CEACAM21: variants seen among roughly 807,000 people sequenced by gnomAD.
The protein encoded by CEACAM21 is cell adhesion molecule CEACAM21.
Under a neutral mutation model 33.2 loss-of-function variants are expected in CEACAM21, and 38 were observed. The observed-to-expected ratio is 1.14, with a 90% CI of 0.88 to 1.50. The LOEUF (loss-of-function observed/expected upper bound fraction) is 1.50. Among genes scored for constraint, CEACAM21 ranks in the 40% most tolerant of loss-of-function variants. The pLI is 0.00. For synonymous variants in CEACAM21, 156 were observed against 143.0 expected (o/e 1.09, Z -0.65); for missense variants, 385 against 364.6 (o/e 1.06, Z -0.46).
In CEACAM21 at chr19:41,576,295, T is replaced by A. The variant is rs200169591; in HGVS notation, c.21T>A (p.Cys7Ter). Residue 7 changes from cysteine to a stop codon, truncating the protein, a stop_gained, in exon 1 of 7, where the codon TGT becomes TGA. Transcript: ENST00000401445. LOFTEE classifies it high-confidence loss of function. MGPPSA[C>*]PHRECIPWQG... ...AGACCATGGGGCCCCCCTCAGCTTGTCCCCACAGAGAATGCATCCCCTGGC... is the reference window on the plus strand; with the variant it reads ...AGACCATGGGGCCCCCCTCAGCTTGACCCCACAGAGAATGCATCCCCTGGC... 2 of 1,613,334 alleles carry A rather than the reference T, an allele frequency of 1.2e-6. No homozygotes were observed. The highest frequency in any genetic ancestry group is 2.2e-5 in the East Asian group (1 of 44,842).
intron 1 of CEACAM21, chr19:41,549,664 TGTG>T (rs2041107595): frequency 6.6e-6 from 1 of 152,172 alleles, no homozygotes; most frequent in African/African-American, 2.4e-5. Context: ...GGTTTTTTGA[TGTG>T]GTGTTTTTTT....
intron 1 of CEACAM21, among the ~76,000 whole-genome samples, chr19:41,561,084 CAA>C (rs781994813): frequency 2.6e-5 from 4 of 152,128 alleles, no homozygotes; most frequent in Non-Finnish European, 4.4e-5. Flanking sequence ...TTGTTAGAAT[CAA>C]AAGATTGTTG....
chr19:41,567,822 G>A (rs1425902328), intron 2 of CEACAM21, among the ~76,000 whole-genome samples: 3 of 151,932 alleles, frequency 2.0e-5, no homozygotes, highest in Non-Finnish European at 2.9e-5. Flanking sequence ...GAAGATGGTG[G>A]GTCCCAGTTT....
At chr19:41,558,976 C>T (rs1289435691) in intron 1 of CEACAM21, among the ~76,000 whole-genome samples, 1 of 152,160 alleles carries the variant, frequency 6.6e-6, no homozygotes, top group Admixed American at 6.5e-5. Flanking sequence ...GCATCTCTGT[C>T]TTTAAAAAGC....
chr19:41,580,311 G>GGA (rs1568614422), intron 3 of CEACAM21, among the ~76,000 whole-genome samples: 1 of 129,268 alleles, frequency 7.7e-6, no homozygotes, highest in African/African-American at 3.3e-5. Context: ...CAAATGTGAT[G>GGA]GGGGGGGGTT....
intron 1 of CEACAM21, chr19:41,551,531 C>G (rs1465098180): frequency 1.3e-5 from 2 of 149,740 alleles, no homozygotes; most frequent in Non-Finnish European, 3.0e-5. Context: ...AGGGGAGGCT[C>G]TCAATATGGA....
At chr19:41,581,125 A>G (rs782038621) in intron 3 of CEACAM21, among the ~76,000 whole-genome samples, 9 of 152,264 alleles carry the variant, frequency 5.9e-5, no homozygotes, top group Admixed American at 2.6e-4. Context: ...CATGTTCATA[A>G]TGGCCCTAAT....
chr19:41,553,227 C>A (rs1312345484), intron 1 of CEACAM21, among the ~76,000 whole-genome samples: 1 of 151,942 alleles, frequency 6.6e-6, no homozygotes, highest in East Asian at 1.9e-4. Context: ...GCCTCAGCCC[C>A]TTGAGTAGCT....
intron 1 of CEACAM21, among the ~76,000 whole-genome samples, chr19:41,550,928 G>GA (rs1381829729): frequency 1.3e-5 from 2 of 151,778 alleles, no homozygotes; most frequent in Non-Finnish European, 2.9e-5. Context: ...TGAGCATCAT[G>GA]AAAAAAAATA....
intron 2 of CEACAM21, among the ~76,000 whole-genome samples, chr19:41,569,769 T>C (rs2042486044): frequency 6.6e-6 from 1 of 152,106 alleles, no homozygotes; most frequent in Non-Finnish European, 1.5e-5. Context: ...CCCAGGGGAA[T>C]CTATGATTCC....
At chr19:41,569,044 T>G (rs567642895) in intron 2 of CEACAM21, among the ~76,000 whole-genome samples, 1 of 152,328 alleles carries the variant, frequency 6.6e-6, no homozygotes, top group South Asian at 2.1e-4. Flanking sequence ...TTCTTTTGTT[T>G]CAGCTATCAT....
At position 41,577,491 on chromosome 19, in the gene CEACAM21, ACTACAAC is replaced by A. The variant is rs782607128; in HGVS notation, c.363_369del (p.Asn121LysfsTer42). On this transcript the variant is annotated frameshift_variant, in exon 2 of 7. Transcript: ENST00000401445. LOFTEE classifies it high-confidence loss of function. ...AACGTCACCCTAGAGGACACGGGAT[ACTACAAC>A]CTACAAGTCACATACAGAAATTCTC... 6.2e-7 allele frequency: 1 copy of A among 1,613,952 alleles called. No individual in the cohort carries two copies. The highest frequency in any genetic ancestry group is 8.5e-7 in the Non-Finnish European group (1 of 1,180,022).
chr19:41,571,282 A>G (rs553130129), upstream of CEACAM21, among the ~76,000 whole-genome samples: 1 of 152,328 alleles, frequency 6.6e-6, no homozygotes, highest in East Asian at 1.9e-4. Flanking sequence ...TATATCTTCA[A>G]TATCTGTCAA....
chr19:41,579,467 A>G lies in CEACAM21; in HGVS notation c.539A>G (p.Asn180Ser). ...NTGTSFQWIFNNQRLQVTKRM... is the reference protein window; with the variant it reads ...NTGTSFQWIFSNQRLQVTKRM... ...GGAACCTCTTTCCAGTGGATTTTCA[A>G]CAACCAGCGTCTGCAGGTCACGAAG... Residue 180 changes from asparagine to serine, a missense_variant, in exon 3 of 7, where the codon AAC becomes AGC. Asn to Ser is a conservative substitution (Grantham distance 46). Transcript: ENST00000401445. 1 of 1,613,898 alleles carries G rather than the reference A, an allele frequency of 6.2e-7. No individual in the cohort carries two copies. The highest frequency in any genetic ancestry group is 8.5e-7 in the Non-Finnish European group (1 of 1,179,858).
Position 41,577,286 on chromosome 19 carries a change from G to C in CEACAM21, c.151G>C (p.Val51Leu), listed in dbSNP as rs782688714. The change falls in exon 2 of 7, where the codon GTT (valine) becomes CTT (leucine). Residue 51 changes from valine to leucine, a missense_variant. Val to Leu is a conservative substitution (Grantham distance 32). Transcript: ENST00000401445. Reference sequence around the variant, plus strand: ...CTTTGAAGTTGCTGAAGGGGAGAATGTTCATCTCTCTGTGGTTTATCTGCC... The same window carrying C: ...CTTTGAAGTTGCTGAAGGGGAGAATCTTCATCTCTCTGTGGTTTATCTGCC... ...APFEVAEGEN[V>L]HLSVVYLPEN... is the part of the protein sequence containing the mutation. 1.9e-6 allele frequency: 3 copies of C among 1,614,000 alleles called. No individual in the cohort carries two copies. Among genetic ancestry groups the C allele is most frequent in the Non-Finnish European group, 2.5e-6 (3 of 1,180,016 alleles).
intron 2 of CEACAM21, among the ~76,000 whole-genome samples, chr19:41,567,914 G>C (rs2042370060): frequency 6.7e-6 from 1 of 148,434 alleles, no homozygotes. Flanking sequence ...AAAAAAAAAT[G>C]CTTTGGACTT....
chr19:41,569,817 T>C (rs2042489304), intron 2 of CEACAM21, among the ~76,000 whole-genome samples: 1 of 152,170 alleles, frequency 6.6e-6, no homozygotes, highest in Non-Finnish European at 1.5e-5. Flanking sequence ...AGGAAAACGC[T>C]ATGCTTTTCC....
intron 1 of CEACAM21, among the ~76,000 whole-genome samples, chr19:41,554,402 G>A (rs2052825032): frequency 6.6e-6 from 1 of 151,978 alleles, no homozygotes; most frequent in Non-Finnish European, 1.5e-5. Context: ...TGTTACCTCT[G>A]TGGCCCACAA....
chr19:41,562,002 T>C (rs1230995422), intron 1 of CEACAM21, among the ~76,000 whole-genome samples: 1 of 152,168 alleles, frequency 6.6e-6, no homozygotes, highest in African/African-American at 2.4e-5. Context: ...TCCCAACACT[T>C]TGGGAGGCCA....
Sources: allele counts gnomAD v4.1 joint callset (sites outside exome capture counted in the v4.1 genomes callset), GRCh38; gene constraint gnomAD v4.1.1; transcripts MANE v1.5; gene names NCBI Gene and HGNC (gene_info 2026-07-23, HGNC 2026-07-21).